The following PDZD2 variants were observed in gnomAD, a reference collection of about 807,000 sequenced individuals.
The protein encoded by PDZD2 is PDZ domain-containing protein 2.
Under a neutral mutation model 220.7 loss-of-function variants are expected in PDZD2, and 90 were observed. The observed-to-expected ratio is 0.41, with a 90% CI of 0.34 to 0.49. PDZD2 has a LOEUF of 0.49. Among genes scored for constraint, PDZD2 ranks in the 20% least tolerant of loss-of-function variants. PDZD2 has a pLI of 0.28. For missense variants in PDZD2, 3,174 were observed against 3,608.5 expected (o/e 0.88, Z 3.08); for synonymous variants, 1,375 against 1,450.5 (o/e 0.95, Z 1.18).
chr5:32,014,706 CT>C (rs556276502), intron 6 of PDZD2, among the ~76,000 whole-genome samples: 39 of 95,416 alleles, frequency 4.1e-4, no homozygotes, highest in African/African-American at 1.5e-3. Flanking sequence ...ATGACAATTT[CT>C]TTTTTTTTTT....
At chr5:31,687,011 A>G (rs1746901258) in intron 1 of PDZD2, among the ~76,000 whole-genome samples, 1 of 152,154 alleles carries the variant, frequency 6.6e-6, no homozygotes, top group Non-Finnish European at 1.5e-5. Flanking sequence ...AGAGGACCCC[A>G]ACGAGGCTGT....
chr5:31,692,060 C>T (rs114472817), intron 1 of PDZD2, among the ~76,000 whole-genome samples: 5,901 of 152,262 alleles, frequency 0.039, 386 homozygotes, highest in African/African-American at 0.14. Context: ...CAGTGGAGCA[C>T]GGGGTGGCGC....
At chr5:31,765,605 A>G (rs1470942348) in intron 1 of PDZD2, among the ~76,000 whole-genome samples, 1 of 152,178 alleles carries the variant, frequency 6.6e-6, no homozygotes, top group African/African-American at 2.4e-5. Context: ...GCCTGAGCTG[A>G]AAAGCAATTA....
At chr5:31,703,918 T>C (rs1164367676) in intron 1 of PDZD2, among the ~76,000 whole-genome samples, 2 of 151,580 alleles carry the variant, frequency 1.3e-5, no homozygotes, top group Non-Finnish European at 2.9e-5. Flanking sequence ...TCTTTCCTTT[T>C]TCTCTCTCTC....
At chr5:32,007,913 G>C (rs35487138) in intron 5 of PDZD2, among the ~76,000 whole-genome samples, 1 of 151,880 alleles carries the variant, frequency 6.6e-6, no homozygotes, top group Non-Finnish European at 1.5e-5. Flanking sequence ...GATCTCACCT[G>C]CGTCTTACAG....
chr5:32,090,397 C>T lies in PDZD2; in HGVS notation c.6949C>T (p.Arg2317Ter), dbSNP rs751729452. The T allele has an allele frequency of 2.5e-6, 4 of 1,614,152 alleles. No individual in the cohort carries two copies. Among genetic ancestry groups the T allele is most frequent in the South Asian group, 2.2e-5 (2 of 91,090 alleles). The part of the protein sequence containing the change: ...LVTDKIKVTR[R>*]HYCYEQNWPH... ...CACAGACAAAATCAAAGTCACCAGA[C>T]GACACTACTGCTATGAGCAGAACTG... The change falls in exon 20 of 25, where the codon CGA becomes TGA. Residue 2317 changes from arginine (R) to a stop codon, truncating the protein, a stop_gained. Transcript: ENST00000438447. LOFTEE classifies it high-confidence loss of function. This position sits in a 1 kb window ranked among gnomAD's most constrained non-coding sequence, Gnocchi z 4.3.
chr5:32,020,738 A>C (rs1354402538), intron 6 of PDZD2, among the ~76,000 whole-genome samples: 4 of 149,306 alleles, frequency 2.7e-5, no homozygotes, highest in Admixed American at 1.3e-4. Flanking sequence ...TCTGCCTCCC[A>C]GGTTCAAGCG....
chr5:31,866,951 G>C (rs1434183842), intron 2 of PDZD2, among the ~76,000 whole-genome samples: 1 of 152,190 alleles, frequency 6.6e-6, no homozygotes, highest in Non-Finnish European at 1.5e-5. Context: ...GTCTAATCCA[G>C]CTTCATCCTT....
intron 1 of PDZD2, among the ~76,000 whole-genome samples, chr5:31,665,609 G>T (rs1205877410): frequency 6.7e-6 from 1 of 150,224 alleles, no homozygotes; most frequent in Non-Finnish European, 1.5e-5. Flanking sequence ...GTTCTCATGA[G>T]ATCCGATGGT....
chr5:32,097,693 A>T (rs1228400071), intron 22 of PDZD2, among the ~76,000 whole-genome samples: 1 of 152,324 alleles, frequency 6.6e-6, no homozygotes, highest in African/African-American at 2.4e-5. Flanking sequence ...ACTTGTGTTT[A>T]TACAATTACT....
At position 32,072,189 on chromosome 5, in the gene PDZD2, C is replaced by G; in HGVS notation, c.2597C>G (p.Ser866Cys). 6.2e-7 allele frequency: 1 copy of G among 1,613,310 alleles called. No individual in the cohort carries two copies. Among genetic ancestry groups the G allele is most frequent in the Non-Finnish European group, 8.5e-7 (1 of 1,179,308 alleles). ...TCCCTTATTTCTGAATCTGAACTCT[C>G]CCAGTACTTTGCCCACGATGTCCCT... ...KDSLISESEL[S>C]QYFAHDVPGP... The change falls in exon 17 of 25, where the codon TCC (serine) becomes TGC (cysteine). Residue 866 changes from serine (S) to cysteine (C), a missense_variant. By Grantham distance (112) the Ser-to-Cys change is moderately radical. Around this residue, in one of 4 missense-constraint regions of PDZD2, gnomAD observed 1,861 missense variants for 2,001.0 expected, o/e 0.93. Transcript: ENST00000438447.
At chr5:31,921,219 A>C (rs1176787225) in intron 2 of PDZD2, among the ~76,000 whole-genome samples, 3 of 152,156 alleles carry the variant, frequency 2.0e-5, no homozygotes, top group Non-Finnish European at 4.4e-5. Context: ...TATCAGGCAG[A>C]TCTGATTTGG....
At chr5:31,794,151 A>G (rs905090694) in intron 1 of PDZD2, among the ~76,000 whole-genome samples, 1 of 152,090 alleles carries the variant, frequency 6.6e-6, no homozygotes, top group African/African-American at 2.4e-5. Flanking sequence ...CACAATTTCA[A>G]TCTCTCAAAT....
chr5:31,990,996 G>A (rs1293838011), intron 3 of PDZD2, among the ~76,000 whole-genome samples: 1 of 152,164 alleles, frequency 6.6e-6, no homozygotes, highest in Non-Finnish European at 1.5e-5. Context: ...ATGTTCCCAG[G>A]GAAGAACCAG....
At chr5:32,104,800 G>C (rs973924497) in intron 24 of PDZD2, among the ~76,000 whole-genome samples, 2 of 144,402 alleles carry the variant, frequency 1.4e-5, no homozygotes, top group Admixed American at 7.0e-5. Context: ...AAAAGTAAGT[G>C]ATTAGAAGAT....
In PDZD2 at chr5:31,763,343, G is replaced by A. The variant is rs1651407; in HGVS notation, c.-360-35546G>A. On this transcript the variant is annotated intron_variant, in intron 1 of 24. Transcript: ENST00000438447. ...TTCCCCTAGCCAGTCCCCAGCATGC[G>A]GCACACTGTCTACCTCAGCCATGAG... Among the ~76,000 whole-genome samples, 1,374 of 152,156 alleles carry A rather than the reference G, an allele frequency of 9.0e-3. 13 individuals carry two copies. Among genetic ancestry groups the A allele is most frequent in the South Asian group, 0.038 (181 of 4,812 alleles).
At chr5:31,877,538 CT>C (rs1242962121) in intron 2 of PDZD2, among the ~76,000 whole-genome samples, 2 of 152,060 alleles carry the variant, frequency 1.3e-5, no homozygotes, top group African/African-American at 2.4e-5. Context: ...AGTCTTTTCT[CT>C]TTCATAATTT....
At chr5:31,706,829 C>T (rs1370004604) in intron 1 of PDZD2, among the ~76,000 whole-genome samples, 4 of 115,978 alleles carry the variant, frequency 3.4e-5, no homozygotes, top group Non-Finnish European at 6.8e-5. Context: ...GGCAACAGAG[C>T]GAGATTCCAT....
At chr5:31,890,466 C>T (rs755410118) in intron 2 of PDZD2, among the ~76,000 whole-genome samples, 4 of 152,094 alleles carry the variant, frequency 2.6e-5, no homozygotes, top group East Asian at 1.9e-4. Context: ...GGTCGATTCC[C>T]GGTAGGGAAA....
Sources: gnomAD v4.1 joint callset for allele counts (sites outside exome capture counted in the v4.1 genomes callset) on GRCh38, gnomAD v4.1.1 for gene constraint, gnomAD v4.1.1 regional missense constraint, Gnocchi (gnomAD v3.1) non-coding constraint, MANE v1.5 for transcripts, NCBI Gene and HGNC (gene_info 2026-07-23, HGNC 2026-07-21) for gene names.